ZNF736: variants seen among roughly 807,000 people sequenced by gnomAD.
The protein encoded by ZNF736 is zinc finger protein 736.
ZNF736 carries 6 observed loss-of-function variants against 11.7 expected under a neutral mutation model. That is an observed-to-expected ratio of 0.51 (90% CI 0.28 to 1.01). The LOEUF is 1.01. Ranked by LOEUF, ZNF736 falls within the 50% of genes least tolerant of loss-of-function variation. ZNF736 has a pLI of 0.09. For missense variants in ZNF736, 444 were observed against 496.0 expected, an observed-to-expected ratio of 0.90 and a Z score of 1.00; for synonymous variants, 139 against 164.7, an observed-to-expected ratio of 0.84 and a Z score of 1.19.
chr7:64,319,577 C>A (rs1214037602), intron 1 of ZNF736, among the ~76,000 whole-genome samples: 1 of 136,354 alleles, frequency 7.3e-6, no homozygotes, highest in African/African-American at 2.7e-5. Flanking sequence ...CTCACTGCAA[C>A]CTCTGCCTCC....
At chr7:64,338,354 T>C (rs1250449041) in intron 3 of ZNF736, among the ~76,000 whole-genome samples, 2 of 152,230 alleles carry the variant, frequency 1.3e-5, no homozygotes, top group Non-Finnish European at 2.9e-5. Context: ...GTTACCTTTT[T>C]TGTAGTGAAA....
At position 64,354,629 on chromosome 7, in the gene ZNF736, A is replaced by T. The variant is rs1025447907; in HGVS notation, c.*5482A>T. On this transcript the variant is annotated 3_prime_UTR_variant, in exon 4 of 4. Transcript: ENST00000423484. ...TCTTTTCATAAAACATTCTTTGTAT[A>T]ATCACCTCAGAGATTATGAAAGTGA... The T allele has an allele frequency of 2.0e-5, 3 of 152,204 alleles. No homozygotes were observed. Among genetic ancestry groups the T allele is most frequent in the African/African-American group, 7.2e-5 (3 of 41,464 alleles). 9.4% of individuals were successfully genotyped at this position (152,204 alleles called of 1,614,324 possible). A position where few individuals can be genotyped will look rare whatever the true frequency, so the allele number is the denominator to read the frequency against.
At chr7:64,318,802 A>G (rs1788953850) in intron 1 of ZNF736, among the ~76,000 whole-genome samples, 1 of 152,168 alleles carries the variant, frequency 6.6e-6, no homozygotes, top group Non-Finnish European at 1.5e-5. Flanking sequence ...TAACTTACTC[A>G]TGTTTGTATC....
intron 1 of ZNF736, among the ~76,000 whole-genome samples, chr7:64,324,043 T>C (rs192404107): frequency 2.0e-5 from 3 of 152,338 alleles, no homozygotes; most frequent in Admixed American, 1.3e-4. Context: ...TTATAAAATA[T>C]GGATTCATGG....
In ZNF736 at chr7:64,345,732, TAAAAAAA is replaced by T. The variant is rs60388880; in HGVS notation, c.227-2344_227-2338del. On this transcript the variant is annotated intron_variant, in intron 3 of 3. Transcript: ENST00000423484. ...CTGGTGACAGAGCAATACTCCATCTTAAAAAAAAAAAAAAAAAAAAGGTGTGTTGTTT... is the reference window on the plus strand; with the variant it reads ...CTGGTGACAGAGCAATACTCCATCTTAAAAAAAAAAAAAGGTGTGTTGTTT... Among the ~76,000 whole-genome samples the T allele has an allele frequency of 3.6e-5, 3 of 82,870 alleles. No individual in the cohort carries two copies. In the East Asian group the frequency reaches 1.3e-3, roughly 36 times the overall value. 54.4% of individuals were successfully genotyped at this position (82,870 alleles called of 152,430 possible).
intron 3 of ZNF736, among the ~76,000 whole-genome samples, chr7:64,340,931 T>C (rs1221397393): frequency 6.6e-6 from 1 of 152,218 alleles, no homozygotes; most frequent in African/African-American, 2.4e-5. Flanking sequence ...TCTGTGACTT[T>C]TCTCCTGCAT....
At position 64,349,402 on chromosome 7, in the gene ZNF736, T is replaced by C; in HGVS notation, c.*255T>C. 3.1e-6 allele frequency: 1 copy of C among 321,286 alleles called. No individual in the cohort carries two copies. The allele number at this position is 321,286 out of a possible 1,614,324, so 19.9% of individuals were successfully genotyped here. ...TGTCAGAAACTAGGATTGCAACCCCTGCTTCTTTTCCTGTTTTCTATTTGC... is the reference window on the plus strand; with the variant it reads ...TGTCAGAAACTAGGATTGCAACCCCCGCTTCTTTTCCTGTTTTCTATTTGC... On this transcript the variant is annotated 3_prime_UTR_variant, in exon 4 of 4. Coordinates refer to ENST00000423484, the MANE Select transcript of ZNF736 (RefSeq NM_001170905.3).
intron 3 of ZNF736, among the ~76,000 whole-genome samples, chr7:64,342,340 G>T (rs1789351272): frequency 6.6e-6 from 1 of 152,084 alleles, no homozygotes; most frequent in Non-Finnish European, 1.5e-5. Context: ...AGAGCACAAA[G>T]CATCTGATTA....
In ZNF736 at chr7:64,319,331, G is replaced by GTATATATA. The variant is rs1303895518; in HGVS notation, c.3+5179_3+5180insATATATAT. Among the ~76,000 whole-genome samples the GTATATATA allele has an allele frequency of 9.3e-4, 70 of 75,502 alleles. 5 individuals are homozygous for GTATATATA. The highest frequency in any genetic ancestry group is 1.4e-3 in the Non-Finnish European group (53 of 37,782). The allele number at this position is 75,502 out of a possible 152,430, so 49.5% of individuals were successfully genotyped here. ...TGTATATGTATGTGTGTGTGTGTAT[G>GTATATATA]TGTATATATATATATATATATATAT... On this transcript the variant is annotated intron_variant, in intron 1 of 3. Coordinates refer to ENST00000423484, the MANE Select transcript of ZNF736 (RefSeq NM_001170905.3).
intron 3 of ZNF736, among the ~76,000 whole-genome samples, chr7:64,346,272 C>A (rs897359673): frequency 6.6e-6 from 1 of 151,232 alleles, no homozygotes; most frequent in Non-Finnish European, 1.5e-5. Context: ...ATTGTTGCCT[C>A]TTCTCTCATT....
Position 64,349,145 on chromosome 7 carries a change from T to C in ZNF736, c.1282T>C (p.Ter428GlnextTer41). The stretch of plus-strand genomic sequence containing the variant: ...TACTAGAGAGAAGCTCCACAAGTGT[T>C]AAAAATGTGGAAAAGCCTTTACCAA... ...IHTREKLHKC[*>Q] The change falls in exon 4 of 4, where the codon TAA becomes CAA. Residue 428 changes from the stop codon to glutamine, a stop_lost. Coordinates refer to ENST00000423484, the MANE Select transcript of ZNF736 (RefSeq NM_001170905.3). The C allele has an allele frequency of 6.6e-7, 1 of 1,521,776 alleles. No individual in the cohort carries two copies. The highest frequency in any genetic ancestry group is 8.8e-7 in the Non-Finnish European group (1 of 1,137,468). 94.3% of individuals were successfully genotyped at this position (1,521,776 alleles called of 1,614,324 possible).
rs1389979465 is a variant in ZNF736 at position 64,351,895 on chromosome 7, G to C, written c.*2748G>C. 6.6e-6 allele frequency: 1 copy of C among 152,256 alleles called. No individual in the cohort carries two copies. The highest frequency in any genetic ancestry group is 1.5e-5 in the Non-Finnish European group (1 of 68,126). 9.4% of individuals were successfully genotyped at this position (152,256 alleles called of 1,614,324 possible). A position where few individuals can be genotyped will look rare whatever the true frequency, so the allele number is the denominator to read the frequency against. On this transcript the variant is annotated 3_prime_UTR_variant, in exon 4 of 4. Transcript: ENST00000423484. ...TCTGCTGAGGAGCAGTGGGTAGTTT[G>C]TGGGACCCATGGAGGATGGGCTGGC...
chr7:64,344,401 C>A (rs1720461678), intron 3 of ZNF736, among the ~76,000 whole-genome samples: 1 of 152,148 alleles, frequency 6.6e-6, no homozygotes, highest in Non-Finnish European at 1.5e-5. Context: ...ATCTTTAGAA[C>A]TTTTATTTTT....
intron 3 of ZNF736, among the ~76,000 whole-genome samples, chr7:64,341,686 T>C (rs956417159): frequency 3.3e-5 from 5 of 152,174 alleles, no homozygotes; most frequent in Non-Finnish European, 5.9e-5. Flanking sequence ...TAAACAGACC[T>C]GTTGTTTTAG....
In ZNF736 at chr7:64,352,807, A is replaced by G; in HGVS notation, c.*3660A>G. The G allele has an allele frequency of 6.6e-6, 1 of 152,440 alleles. No individual in the cohort carries two copies. Among genetic ancestry groups the G allele is most frequent in the East Asian group, 1.9e-4 (1 of 5,190 alleles). The allele number at this position is 152,440 out of a possible 1,614,324, so 9.4% of individuals were successfully genotyped here. On this transcript the variant is annotated 3_prime_UTR_variant, in exon 4 of 4. Coordinates refer to ENST00000423484, the MANE Select transcript of ZNF736 (RefSeq NM_001170905.3). ...GAATGGCTAAGTTGCTCAAGCAGCAAAGATGGTGGCCCACTCCTCTTTCTG... is the reference window on the plus strand; with the variant it reads ...GAATGGCTAAGTTGCTCAAGCAGCAGAGATGGTGGCCCACTCCTCTTTCTG...
chr7:64,329,810 G>A (rs1789135542), intron 1 of ZNF736, among the ~76,000 whole-genome samples: 1 of 152,188 alleles, frequency 6.6e-6, no homozygotes, highest in Non-Finnish European at 1.5e-5. Flanking sequence ...TCAGTAGGTG[G>A]TGAATCCAGC....
At chr7:64,332,495 G>A (rs1428853199) in intron 1 of ZNF736, among the ~76,000 whole-genome samples, 4 of 152,166 alleles carry the variant, frequency 2.6e-5, no homozygotes, top group African/African-American at 7.2e-5. Context: ...AGGACAAAAG[G>A]CAAAACAGAA....
chr7:64,321,430 A>G (rs564278546), intron 1 of ZNF736, among the ~76,000 whole-genome samples: 1 of 152,340 alleles, frequency 6.6e-6, no homozygotes, highest in East Asian at 1.9e-4. Flanking sequence ...AAAGCATGTT[A>G]CCTAATTTTA....
rs1384671966 is a variant in ZNF736, at chr7:64,348,237, G to T, written c.374G>T (p.Gly125Val). 5.8e-6 allele frequency: 9 copies of T among 1,551,712 alleles called. No homozygotes were observed. Among genetic ancestry groups the T allele is most frequent in the Non-Finnish European group, 7.8e-6 (9 of 1,146,918 alleles). The change falls in exon 4 of 4, where the codon GGG (glycine) becomes GTG (valine). Residue 125 changes from glycine (G) to valine (V), a missense_variant. Transcript: ENST00000423484. ...TACCAAAGTGTGGGTAATTGCAAGGGGCAGAAAAGCAGTTATAATGGCCTT... is the reference window on the plus strand; with the variant it reads ...TACCAAAGTGTGGGTAATTGCAAGGTGCAGAAAAGCAGTTATAATGGCCTT... The part of the protein sequence containing the change: ...KDYQSVGNCK[G>V]QKSSYNGLHQ...
Sources: allele counts gnomAD v4.1 joint callset (sites outside exome capture counted in the v4.1 genomes callset), GRCh38; gene constraint gnomAD v4.1.1; transcripts MANE v1.5; gene names NCBI Gene and HGNC (gene_info 2026-07-23, HGNC 2026-07-21).